Variants in PDE11A observed in about 807,000 individuals in gnomAD.
PDE11A encodes the protein dual 3',5'-cyclic-AMP and -GMP phosphodiesterase 11A.
PDE11A carries 100 observed loss-of-function variants against 100.5 expected under a neutral mutation model. That is an observed-to-expected ratio of 1.00 (90% CI 0.85 to 1.18). The LOEUF is 1.18. Among genes scored for constraint, PDE11A ranks in the 50% most tolerant of loss-of-function variants. PDE11A has a pLI of 0.00. For missense variants in PDE11A, 1,141 were observed against 1,152.6 expected (o/e 0.99, Z 0.15); for synonymous variants, 381 against 420.8 (o/e 0.91, Z 1.16).
At chr2:178,053,760 C>T (rs10930821) in intron 1 of PDE11A, among the ~76,000 whole-genome samples, 1 of 151,802 alleles carries the variant, frequency 6.6e-6, no homozygotes, top group East Asian at 1.9e-4. Flanking sequence ...CTCCCATTCA[C>T]GATTGCTATA....
intron 4 of PDE11A, among the ~76,000 whole-genome samples, chr2:177,887,859 G>A (rs554960753): frequency 6.6e-6 from 1 of 152,218 alleles, no homozygotes; most frequent in African/African-American, 2.4e-5. Flanking sequence ...ATGTGTGGAC[G>A]TGCTGCCTAG....
At chr2:177,785,427 AGCTC>A (rs1332834305) in intron 9 of PDE11A, among the ~76,000 whole-genome samples, 1 of 152,258 alleles carries the variant, frequency 6.6e-6, no homozygotes, top group Non-Finnish European at 1.5e-5. Flanking sequence ...GAATAGGAAC[AGCTC>A]CAGTCTACAG....
intron 10 of PDE11A, among the ~76,000 whole-genome samples, chr2:177,757,835 A>G (rs2082112376): frequency 6.6e-6 from 1 of 152,174 alleles, no homozygotes; most frequent in Non-Finnish European, 1.5e-5. Context: ...GTGGTCTTAT[A>G]GAAACGATTC....
intron 9 of PDE11A, among the ~76,000 whole-genome samples, chr2:177,797,851 A>C (rs529203443): frequency 6.6e-6 from 1 of 152,340 alleles, no homozygotes; most frequent in East Asian, 1.9e-4. Context: ...TGAAATACTA[A>C]GATAAATTTT....
At chr2:177,891,982 T>C (rs2084536315) in intron 4 of PDE11A, among the ~76,000 whole-genome samples, 1 of 152,188 alleles carries the variant, frequency 6.6e-6, no homozygotes, top group Non-Finnish European at 1.5e-5. Flanking sequence ...ACATGTTAAC[T>C]TGTACCTTTC....
At chr2:177,857,860 T>C (rs937159276) in intron 5 of PDE11A, among the ~76,000 whole-genome samples, 1 of 152,048 alleles carries the variant, frequency 6.6e-6, no homozygotes, top group African/African-American at 2.4e-5. Flanking sequence ...TATTATACCA[T>C]GCAAACAGTA....
At chr2:178,048,896 C>T (rs1175600250) in intron 1 of PDE11A, among the ~76,000 whole-genome samples, 1 of 152,042 alleles carries the variant, frequency 6.6e-6, no homozygotes, top group Non-Finnish European at 1.5e-5. Flanking sequence ...GTATTGGGTC[C>T]TCTCAAAACT....
At chr2:178,045,565 T>C (rs1438245268) in intron 1 of PDE11A, among the ~76,000 whole-genome samples, 2 of 152,220 alleles carry the variant, frequency 1.3e-5, no homozygotes, top group African/African-American at 4.8e-5. Flanking sequence ...TCCAACAATA[T>C]GGGTTCAAAC....
chr2:177,761,677 G>C lies in PDE11A; in HGVS notation c.1788+7646C>G, dbSNP rs556075759. On this transcript the variant is annotated intron_variant, in intron 10 of 19. Coordinates refer to ENST00000286063, the MANE Select transcript of PDE11A (RefSeq NM_016953.4). ...TGACTTCATGGAGAAAGGGGCAGTT[G>C]AGAAGGGTCAGGTAGATTGTTAGCG... is the stretch of plus-strand genomic sequence containing the variant. Among the ~76,000 whole-genome samples, 8 of 152,300 alleles carry C rather than the reference G, an allele frequency of 5.3e-5. No individual in the cohort carries two copies. The East Asian group carries it at 1.4e-3, about 26-fold the overall frequency.
intron 2 of PDE11A, among the ~76,000 whole-genome samples, chr2:177,922,156 C>T (rs1329891291): frequency 6.6e-6 from 1 of 152,138 alleles, no homozygotes; most frequent in Admixed American, 6.6e-5. Context: ...ATCTTATCTA[C>T]AACACTGGAT....
intron 2 of PDE11A, among the ~76,000 whole-genome samples, chr2:177,924,919 CCTTCCTG>C (rs1168573581): frequency 6.8e-6 from 1 of 147,322 alleles, no homozygotes; most frequent in Non-Finnish European, 1.5e-5. Context: ...GTGATATTCC[CCTTCCTG>C]TGTCCATGTG....
chr2:177,749,873 AG>A (rs751196016), intron 10 of PDE11A, among the ~76,000 whole-genome samples: 18 of 152,330 alleles, frequency 1.2e-4, no homozygotes, highest in Non-Finnish European at 2.5e-4. Flanking sequence ...ATTGTTGGAA[AG>A]GGAGTAAGTC....
At chr2:177,952,352 T>C (rs1193591603) in intron 2 of PDE11A, among the ~76,000 whole-genome samples, 2 of 152,222 alleles carry the variant, frequency 1.3e-5, no homozygotes, top group Non-Finnish European at 2.9e-5. Context: ...CCTCATTGCA[T>C]ACAGTTTTGA....
intron 17 of PDE11A, among the ~76,000 whole-genome samples, chr2:177,673,506 T>G (rs901138251): frequency 6.6e-6 from 1 of 152,178 alleles, no homozygotes; most frequent in African/African-American, 2.4e-5. Context: ...ATCTCTTCCC[T>G]TTCCGAATGG....
At chr2:178,054,841 G>A (rs915632429) in intron 1 of PDE11A, among the ~76,000 whole-genome samples, 2 of 152,124 alleles carry the variant, frequency 1.3e-5, no homozygotes, top group African/African-American at 4.8e-5. Flanking sequence ...TAAAAAGTCA[G>A]GAAACAACAG....
chr2:178,041,614 C>T (rs191325543), intron 1 of PDE11A, among the ~76,000 whole-genome samples: 6 of 152,240 alleles, frequency 3.9e-5, no homozygotes, highest in African/African-American at 1.4e-4. Flanking sequence ...TAGATAAGAC[C>T]TACAATGAGC....
At chr2:177,842,965 T>C (rs1047417893) in intron 5 of PDE11A, among the ~76,000 whole-genome samples, 9 of 152,086 alleles carry the variant, frequency 5.9e-5, no homozygotes, top group African/African-American at 2.2e-4. Flanking sequence ...ATAAAATGCA[T>C]GAGATCACTC....
At chr2:178,055,872 A>T (rs1408348227) in intron 1 of PDE11A, among the ~76,000 whole-genome samples, 2 of 152,152 alleles carry the variant, frequency 1.3e-5, no homozygotes, top group Non-Finnish European at 2.9e-5. Flanking sequence ...TTCGTAATAA[A>T]TGGGCTCTTT....
At chr2:178,015,137 T>C (rs770442283) in intron 1 of PDE11A, among the ~76,000 whole-genome samples, 1 of 152,216 alleles carries the variant, frequency 6.6e-6, no homozygotes, top group Non-Finnish European at 1.5e-5. Flanking sequence ...CACCCAAAGA[T>C]TCCTTATTAC....
Sources: allele counts gnomAD v4.1 joint callset (sites outside exome capture counted in the v4.1 genomes callset), GRCh38; gene constraint gnomAD v4.1.1; transcripts MANE v1.5; gene names NCBI Gene and HGNC (gene_info 2026-07-23, HGNC 2026-07-21).